SLC6A11: variants seen among roughly 807,000 people sequenced by gnomAD.
The protein encoded by SLC6A11 is solute carrier family 6 member 11.
SLC6A11 carries 25 observed loss-of-function variants against 74.8 expected under a neutral mutation model. The ratio of observed to expected loss-of-function variants is 0.33; its 90% CI spans 0.24 to 0.47. The LOEUF is 0.47. Ranked by LOEUF, SLC6A11 falls within the 20% of genes least tolerant of loss-of-function variation. The probability of loss-of-function intolerance (pLI) is 1.00; values close to 1 mark genes in which losing one functional copy is unlikely to be tolerated. For missense variants in SLC6A11, 574 were observed against 837.0 expected (o/e 0.69, Z 3.88); for synonymous variants, 330 against 330.2 (o/e 1.00, Z 0.01).
chr3:10,922,435 A>T (rs1355050124), intron 8 of SLC6A11, among the ~76,000 whole-genome samples: 2 of 152,238 alleles, frequency 1.3e-5, no homozygotes. Context: ...AAAAGTTTTT[A>T]AAAAGCAGAT....
chr3:10,873,780 G>GTCCTGTCCTA (rs1553671256), intron 5 of SLC6A11, among the ~76,000 whole-genome samples: 244 of 126,568 alleles, frequency 1.9e-3, no homozygotes, highest in Non-Finnish European at 2.1e-3. Context: ...GTCCTGTCCT[G>GTCCTGTCCTA]TCCTATCCTA....
chr3:10,928,159 A>G (rs1695634226), intron 9 of SLC6A11, among the ~76,000 whole-genome samples: 2 of 152,198 alleles, frequency 1.3e-5, no homozygotes, highest in African/African-American at 4.8e-5. Flanking sequence ...CATCGCAGGT[A>G]TGATATGTTT....
intron 5 of SLC6A11, among the ~76,000 whole-genome samples, chr3:10,861,097 G>A (rs1275297184): frequency 6.6e-6 from 1 of 152,228 alleles, no homozygotes. Context: ...TCTGTAGAGA[G>A]CAGCTTCCTT....
intron 6 of SLC6A11, among the ~76,000 whole-genome samples, chr3:10,887,419 A>G (rs572639197): frequency 1.3e-5 from 2 of 152,282 alleles, no homozygotes; most frequent in East Asian, 3.9e-4. Flanking sequence ...CATGTCCTGG[A>G]AAAGACTTTA....
At chr3:10,879,020 G>A (rs1459053841) in intron 6 of SLC6A11, among the ~76,000 whole-genome samples, 1 of 152,184 alleles carries the variant, frequency 6.6e-6, no homozygotes, top group Non-Finnish European at 1.5e-5. Context: ...GTCTGTATCT[G>A]CCTTTCCTAC....
chr3:10,864,878 A>G (rs1311825109), intron 5 of SLC6A11, among the ~76,000 whole-genome samples: 1 of 151,552 alleles, frequency 6.6e-6, no homozygotes, highest in Non-Finnish European at 1.5e-5. Context: ...GGTTCTATTC[A>G]CTCAGATTTT....
chr3:10,916,731 G>T (rs760722664), intron 7 of SLC6A11, among the ~76,000 whole-genome samples: 7 of 152,348 alleles, frequency 4.6e-5, no homozygotes, highest in Non-Finnish European at 1.0e-4. Flanking sequence ...CAAGGAAGAA[G>T]GTTGTGAGAG....
intron 10 of SLC6A11, among the ~76,000 whole-genome samples, chr3:10,929,990 C>T (rs1695664159): frequency 6.6e-6 from 1 of 152,060 alleles, no homozygotes. Context: ...TTTTTCTCCC[C>T]ATATACACAA....
Position 10,828,443 on chromosome 3 carries a change from TC to T in SLC6A11, c.623+5052del, listed in dbSNP as rs933362841. On this transcript the variant is annotated intron_variant, in intron 4 of 13. Transcript: ENST00000254488. ...GTCACGTGAATGTTTTAATTGATTTTCTTTGGACATGAGATTTGGGATCAGA... is the reference window on the plus strand; with the variant it reads ...GTCACGTGAATGTTTTAATTGATTTTTTTGGACATGAGATTTGGGATCAGA... 6.0e-4 allele frequency among the ~76,000 whole-genome samples: 92 copies of T among 152,336 alleles called. 1 individual carries two copies. The highest frequency in any genetic ancestry group is 1.0e-3 in the South Asian group (5 of 4,830).
chr3:10,899,062 A>G (rs949550920), intron 6 of SLC6A11, among the ~76,000 whole-genome samples: 3 of 152,218 alleles, frequency 2.0e-5, no homozygotes, highest in Admixed American at 6.5e-5. Flanking sequence ...CACTACCATG[A>G]GAACAGTATG....
intron 5 of SLC6A11, among the ~76,000 whole-genome samples, chr3:10,874,374 C>G (rs571988466): frequency 1.3e-5 from 2 of 152,240 alleles, no homozygotes; most frequent in Non-Finnish European, 1.5e-5. Flanking sequence ...AGAGACCTAG[C>G]CTGTGATGAG....
At chr3:10,819,416 T>C (rs750752056) in intron 1 of SLC6A11, 49 bp from the exon 2 acceptor site, 3 of 1,566,824 alleles carry the variant, frequency 1.9e-6, no homozygotes, top group Non-Finnish European at 2.6e-6. Context: ...TTGAGCCAAG[T>C]ATGAATCGGC....
At chr3:10,882,462 A>C (rs995817568) in intron 6 of SLC6A11, among the ~76,000 whole-genome samples, 1 of 152,086 alleles carries the variant, frequency 6.6e-6, no homozygotes, top group East Asian at 1.9e-4. Flanking sequence ...TTCAGTTTGC[A>C]TCACCGTTCT....
chr3:10,906,045 T>C (rs549726850), intron 6 of SLC6A11, among the ~76,000 whole-genome samples: 1 of 152,290 alleles, frequency 6.6e-6, no homozygotes, highest in African/African-American at 2.4e-5. Flanking sequence ...TCTCACTTGA[T>C]GTCTCAAACT....
intron 6 of SLC6A11, among the ~76,000 whole-genome samples, chr3:10,911,046 C>G (rs552237339): frequency 2.4e-4 from 37 of 152,138 alleles, no homozygotes; most frequent in East Asian, 1.2e-3. Context: ...GCTCTCACCC[C>G]CTCCTGACCT....
chr3:10,920,349 C>T (rs1695520163), intron 8 of SLC6A11, among the ~76,000 whole-genome samples: 1 of 152,196 alleles, frequency 6.6e-6, no homozygotes, highest in African/African-American at 2.4e-5. Context: ...TGGGGTTATC[C>T]CGCTAGGATT....
chr3:10,868,876 G>A (rs78129313), intron 5 of SLC6A11, among the ~76,000 whole-genome samples: 6,104 of 152,252 alleles, frequency 0.04, 173 homozygotes, highest in Middle Eastern at 0.078. Context: ...TATATGACCT[G>A]GTCTGTCTTT....
At position 10,915,555 on chromosome 3, in the gene SLC6A11, G is replaced by A. The variant is rs772311919; in HGVS notation, c.996-2774G>A. On this transcript the variant is annotated intron_variant, in intron 7 of 13. Coordinates refer to ENST00000254488, the MANE Select transcript of SLC6A11 (RefSeq NM_014229.3). The surrounding 1 kb of genome is among the most constrained non-coding windows in gnomAD (Gnocchi z 4.3). ...GACTTCAAAGCACTGTTACATAAGC[G>A]TTTTACCTAGACGTGGGAGCTGGGG... Among the ~76,000 whole-genome samples the A allele has an allele frequency of 2.0e-5, 3 of 152,258 alleles. No individual in the cohort carries two copies. Among genetic ancestry groups the A allele is most frequent in the Non-Finnish European group, 2.9e-5 (2 of 68,018 alleles).
chr3:10,934,267 C>T, intron 12 of SLC6A11, 101 bp downstream of exon 12: 2 of 771,820 alleles, frequency 2.6e-6, no homozygotes, highest in Non-Finnish European at 4.5e-6. Context: ...GAGGCTGGAC[C>T]TGAGGAGGCT....
Sources: gnomAD v4.1 joint callset for allele counts (sites outside exome capture counted in the v4.1 genomes callset) on GRCh38, gnomAD v4.1.1 for gene constraint, Gnocchi (gnomAD v3.1) non-coding constraint, MANE v1.5 for transcripts, NCBI Gene and HGNC (gene_info 2026-07-23, HGNC 2026-07-21) for gene names.